Variants in MTMR1 observed in about 807,000 individuals in gnomAD.
MTMR1 encodes myotubularin related protein 1.
MTMR1 carries 17 observed loss-of-function variants against 51.6 expected under a neutral mutation model. That is an observed-to-expected ratio of 0.33 (90% CI 0.23 to 0.49). The LOEUF (loss-of-function observed/expected upper bound fraction) is 0.49, where lower values mean the gene tolerates loss of function less well. Among genes scored for constraint, MTMR1 ranks in the 20% least tolerant of loss-of-function variants. The probability of loss-of-function intolerance (pLI) is 0.99; values close to 1 mark genes in which losing one functional copy is unlikely to be tolerated. For synonymous variants in MTMR1, 201 were observed against 205.6 expected, an observed-to-expected ratio of 0.98 and a Z score of 0.19; for missense variants, 386 against 526.9, an observed-to-expected ratio of 0.73 and a Z score of 2.62.
chrX:150,733,881 T>C (rs1275310366), intron 10 of MTMR1, among the ~76,000 whole-genome samples: 1 of 111,301 alleles, frequency 9.0e-6, no homozygotes, highest in Non-Finnish European at 1.9e-5. Context: ...TGAGGGTGAA[T>C]AGTGGTGTCT....
chrX:150,728,838 T>A (rs1247508674), intron 6 of MTMR1, among the ~76,000 whole-genome samples: 5 of 109,928 alleles, frequency 4.5e-5, no homozygotes, highest in African/African-American at 1.7e-4. Context: ...TCCCTCTGGT[T>A]GGTCCTAGAC....
chrX:150,762,702 C>G lies in MTMR1; in HGVS notation c.1995C>G (p.Ser665=). The G allele has an allele frequency of 8.5e-7, 1 of 1,182,838 alleles. No homozygotes were observed. The highest frequency in any genetic ancestry group is 1.1e-6 in the Non-Finnish European group (1 of 879,304). ...SSERGSSPSH[S]ATSVHTSV ...AGCGGGGCTCCTCGCCCTCCCACTC[C>G]GCCACCTCCGTCCACACCTCGGTCT... The change falls in exon 16 of 16, where the codon TCC becomes TCG. Residue 665 remains serine (S), a synonymous_variant. Coordinates refer to ENST00000445323, the MANE Select transcript of MTMR1 (RefSeq NM_001306144.3).
intron 4 of MTMR1, among the ~76,000 whole-genome samples, chrX:150,726,156 G>A (rs1177727322): frequency 1.8e-5 from 2 of 111,467 alleles, no homozygotes; most frequent in African/African-American, 3.3e-5. Context: ...TCGGATCAGC[G>A]GTGGCATTAG....
At chrX:150,748,275 A>G (rs1272254874) in intron 13 of MTMR1, among the ~76,000 whole-genome samples, 1 of 112,210 alleles carries the variant, frequency 8.9e-6, no homozygotes, top group Non-Finnish European at 1.9e-5. Context: ...TGGCTTGAAA[A>G]TATGTCAATA....
At position 150,765,010 on chromosome X, in the gene MTMR1, GAATGTTTACTGTGCGTCAAGCACAGTT is replaced by G. The variant is rs377627101; in HGVS notation, c.*2285_*2311del. 1.7e-4 allele frequency: 19 copies of G among 112,478 alleles called. No individual in the cohort carries two copies. Among genetic ancestry groups the G allele is most frequent in the African/African-American group, 4.8e-4 (15 of 30,945 alleles). 9.3% of individuals were successfully genotyped at this position (112,478 alleles called of 1,213,427 possible). ...AATCGGTAATAAAATAACATGGATT[GAATGTTTACTGTGCGTCAAGCACAGTT>G]AATATATGATGATGTAAAGTAACTA... is the stretch of plus-strand genomic sequence containing the variant. On this transcript the variant is annotated 3_prime_UTR_variant, in exon 16 of 16. Transcript: ENST00000445323.
intron 13 of MTMR1, among the ~76,000 whole-genome samples, chrX:150,744,977 G>A (rs1335592543): frequency 8.9e-6 from 1 of 112,565 alleles, no homozygotes; most frequent in African/African-American, 3.2e-5. Flanking sequence ...CTGGTGCATC[G>A]TTCCCAAACC....
intron 12 of MTMR1, among the ~76,000 whole-genome samples, chrX:150,738,781 A>G (rs2042347188): frequency 8.9e-6 from 1 of 111,958 alleles, no homozygotes; most frequent in African/African-American, 3.3e-5. Flanking sequence ...CCAAATATGG[A>G]CACATTGCTG....
At chrX:150,748,430 A>G (rs1179616935) in intron 13 of MTMR1, among the ~76,000 whole-genome samples, 1 of 111,581 alleles carries the variant, frequency 9.0e-6, no homozygotes, top group African/African-American at 3.3e-5. Flanking sequence ...CAATTCACAA[A>G]TTCTGTGGTG....
chrX:150,751,531 G>A (rs1243909375), intron 14 of MTMR1, among the ~76,000 whole-genome samples: 1 of 111,012 alleles, frequency 9.0e-6, no homozygotes, highest in Admixed American at 9.5e-5. Context: ...AGTTGACAGT[G>A]CCCTCATTCT....
intron 3 of MTMR1, chrX:150,714,567 G>A: frequency 1.1e-6 from 1 of 941,224 alleles, no homozygotes; most frequent in African/African-American, 2.0e-5. Flanking sequence ...TGTAGCTACA[G>A]ATCGTGTATT....
rs41304968 is a variant in MTMR1, at chrX:150,714,594, C to T, written c.276+2229C>T. 2,645 of 809,569 alleles carry T rather than the reference C, an allele frequency of 3.3e-3. 7 individuals are homozygous for T. The highest frequency in any genetic ancestry group is 0.01 in the Middle Eastern group (30 of 2,982). 66.7% of individuals were successfully genotyped at this position (809,569 alleles called of 1,213,427 possible). On this transcript the variant is annotated intron_variant, in intron 3 of 15. Transcript: ENST00000445323. ...TCGTGTATTTAGAAGCCATTTCATT[C>T]TAGACTTCTAGATAATAAGCAAAGC...
At chrX:150,745,694 C>T (rs911270306) in intron 13 of MTMR1, among the ~76,000 whole-genome samples, 1 of 112,193 alleles carries the variant, frequency 8.9e-6, no homozygotes, top group Admixed American at 9.4e-5. Flanking sequence ...GTGCACACAG[C>T]CAGCCCCTGG....
intron 2 of MTMR1, among the ~76,000 whole-genome samples, chrX:150,703,860 T>C (rs1259745846): frequency 9.9e-6 from 1 of 100,776 alleles, no homozygotes; most frequent in African/African-American, 3.8e-5. Flanking sequence ...GAGTACAGAA[T>C]GCCCACCTAA....
rs201877127 is a variant in MTMR1, at chrX:150,718,687, A to T, written c.339A>T (p.Ser113=). The T allele has an allele frequency of 1.7e-6, 2 of 1,193,501 alleles. No individual in the cohort carries two copies. Among genetic ancestry groups the T allele is most frequent in the Admixed American group, 4.6e-5 (2 of 43,483 alleles). The part of the protein sequence containing the change: ...MEEAPLFPGE[S]IKAIVKDVMY... ...AGGCTCCACTTTTCCCAGGAGAATC[A>T]ATTAAAGCCATTGGTAAGTTTAGTG... The change falls in exon 4 of 16, where the codon TCA becomes TCT. Residue 113 remains serine, a synonymous_variant. Transcript: ENST00000445323.
intron 12 of MTMR1, among the ~76,000 whole-genome samples, chrX:150,743,361 A>T (rs1386451521): frequency 9.0e-6 from 1 of 111,700 alleles, no homozygotes; most frequent in Non-Finnish European, 1.9e-5. Flanking sequence ...TGCTCGTGTC[A>T]CTGCACTCCA....
In MTMR1 at chrX:150,693,508, A is replaced by C. The variant is rs2040548119; in HGVS notation, c.-23A>C. 1.3e-6 allele frequency: 1 copy of C among 759,784 alleles called. No individual in the cohort carries two copies. The highest frequency in any genetic ancestry group is 1.6e-6 in the Non-Finnish European group (1 of 643,541). 62.6% of individuals were successfully genotyped at this position (759,784 alleles called of 1,213,427 possible). The stretch of plus-strand genomic sequence containing the variant: ...CTCCCGTCCCGACGGCGGCTTCCCC[A>C]AGGCGGCAGGACTCGGCGCGCCATG... On this transcript the variant is annotated 5_prime_UTR_variant, in exon 1 of 16. Transcript: ENST00000445323.
intron 10 of MTMR1, chrX:150,735,713 TTTGA>T (rs1231597810): frequency 6.0e-6 from 2 of 332,146 alleles, no homozygotes; most frequent in African/African-American, 5.3e-5. Context: ...AACGTGGTAT[TTTGA>T]TTGTGTACAC....
Position 150,763,024 on chromosome X carries a change from C to A in MTMR1, c.*295C>A, listed in dbSNP as rs2043191332. ...GGTTCAAGAAAGCTGTACGCCATTT[C>A]TTTCCAACTTAAATCCTTCAGTAAC... On this transcript the variant is annotated 3_prime_UTR_variant, in exon 16 of 16. Coordinates refer to ENST00000445323, the MANE Select transcript of MTMR1 (RefSeq NM_001306144.3). 4.4e-6 allele frequency: 1 copy of A among 225,651 alleles called. No homozygotes were observed. Among genetic ancestry groups the A allele is most frequent in the African/African-American group, 2.9e-5 (1 of 34,764 alleles). The allele number at this position is 225,651 out of a possible 1,213,427, so 18.6% of individuals were successfully genotyped here.
At chrX:150,704,829 T>A (rs2041039248) in intron 2 of MTMR1, among the ~76,000 whole-genome samples, 1 of 111,820 alleles carries the variant, frequency 8.9e-6, no homozygotes, top group Non-Finnish European at 1.9e-5. Context: ...ATGTGCAGAT[T>A]TTAATGAAAA....
Sources: allele counts gnomAD v4.1 joint callset (sites outside exome capture counted in the v4.1 genomes callset), GRCh38; gene constraint gnomAD v4.1.1; transcripts MANE v1.5; gene names NCBI Gene and HGNC (gene_info 2026-07-23, HGNC 2026-07-21).